Variants in SNX29 observed in about 807,000 individuals in gnomAD.
The protein encoded by SNX29 is sorting nexin-29.
SNX29 carries 78 observed loss-of-function variants against 102.1 expected under a neutral mutation model. The observed-to-expected ratio is 0.76, with a 90% CI of 0.64 to 0.92. SNX29 has a LOEUF of 0.92. Among genes scored for constraint, SNX29 ranks in the 40% least tolerant of loss-of-function variants. SNX29 has a pLI of 0.00. For synonymous variants in SNX29, 580 were observed against 414.5 expected, an observed-to-expected ratio of 1.40 and a Z score of -4.85; for missense variants, 1,280 against 1,061.7, an observed-to-expected ratio of 1.21 and a Z score of -2.86.
intron 13 of SNX29, among the ~76,000 whole-genome samples, chr16:12,135,349 A>C (rs1274691141): frequency 6.6e-6 from 1 of 152,092 alleles, no homozygotes; most frequent in Non-Finnish European, 1.5e-5. Context: ...CTTTGTGTCC[A>C]TGTGGTTTGA....
At chr16:12,431,498 C>G (rs181132969) in intron 18 of SNX29, among the ~76,000 whole-genome samples, 1 of 144,134 alleles carries the variant, frequency 6.9e-6, no homozygotes, top group Non-Finnish European at 1.5e-5. Context: ...CCACAGTGTA[C>G]GAATGATGCT....
At chr16:12,161,166 T>A (rs1275541037) in intron 13 of SNX29, among the ~76,000 whole-genome samples, 2 of 152,214 alleles carry the variant, frequency 1.3e-5, no homozygotes, top group African/African-American at 4.8e-5. Context: ...GATAATACTA[T>A]CTCAATTCAT....
At chr16:12,526,260 C>G (rs1475655755) in intron 20 of SNX29, among the ~76,000 whole-genome samples, 3 of 152,086 alleles carry the variant, frequency 2.0e-5, no homozygotes, top group African/African-American at 4.8e-5. Context: ...TTCTGCTCCC[C>G]TCTGTGGGGT....
At chr16:12,327,448 G>A (rs986068711) in intron 15 of SNX29, among the ~76,000 whole-genome samples, 5 of 152,012 alleles carry the variant, frequency 3.3e-5, no homozygotes, top group African/African-American at 9.6e-5. Flanking sequence ...GTTTTCTGAG[G>A]CCTCTCTCCT....
intron 20 of SNX29, among the ~76,000 whole-genome samples, chr16:12,567,080 T>A (rs540515717): frequency 6.6e-6 from 1 of 152,214 alleles, no homozygotes; most frequent in Non-Finnish European, 1.5e-5. Flanking sequence ...CCTGCAGGGA[T>A]CCTCGAGGGG....
Position 12,043,011 on chromosome 16 carries a change from G to A in SNX29, c.362G>A (p.Cys121Tyr). Residue 121 changes from cysteine (C) to tyrosine (Y), a missense_variant, in exon 5 of 21, where the codon TGT becomes TAT. Physicochemically the swap from Cys to Tyr is radical, Grantham distance 194 (BLOSUM62 -2). Transcript: ENST00000566228. Reference sequence around the variant, plus strand: ...GGCCGGGGTCGCGCCTGGCTGCGCTGTGCCCTCAACGAACACTCCCTGGAG... The same window carrying A: ...GGCCGGGGTCGCGCCTGGCTGCGCTATGCCCTCAACGAACACTCCCTGGAG... Reference protein sequence around the residue: ...DVGRGRAWLRCALNEHSLERY... With the variant: ...DVGRGRAWLRYALNEHSLERY... 1.2e-6 allele frequency: 2 copies of A among 1,613,636 alleles called. No individual in the cohort carries two copies. Among genetic ancestry groups the A allele is most frequent in the East Asian group, 2.2e-5 (1 of 44,882 alleles).
rs191356752 is a variant in SNX29, at chr16:12,486,724, G to C, written c.2178+8865G>C. Among the ~76,000 whole-genome samples the C allele has an allele frequency of 2.6e-5, 4 of 152,320 alleles. No homozygotes were observed. In the East Asian group the frequency reaches 7.7e-4, roughly 29 times the overall value. The stretch of plus-strand genomic sequence containing the variant: ...TCCCTAAGTCAACTCCTCAACCTCA[G>C]TGCCGTGGAGAGCAGGGGGCGGGTG... On this transcript the variant is annotated intron_variant, in intron 19 of 20. Coordinates refer to ENST00000566228, the MANE Select transcript of SNX29 (RefSeq NM_032167.5).
chr16:12,104,199 T>A (rs1475685984), intron 11 of SNX29, among the ~76,000 whole-genome samples: 1 of 152,144 alleles, frequency 6.6e-6, no homozygotes, highest in Non-Finnish European at 1.5e-5. Flanking sequence ...GCCAGGAGAA[T>A]CTTCTCAAGA....
At chr16:12,560,401 A>C (rs2078656027) in intron 20 of SNX29, among the ~76,000 whole-genome samples, 1 of 152,144 alleles carries the variant, frequency 6.6e-6, no homozygotes, top group Non-Finnish European at 1.5e-5. Context: ...TTTAATCCCC[A>C]AAAGCCACAG....
rs2082128839 is a variant in SNX29, at chr16:12,356,157, T to A, written c.1783-6T>A. 2.5e-6 allele frequency: 4 copies of A among 1,611,114 alleles called. No homozygotes were observed. The highest frequency in any genetic ancestry group is 3.4e-6 in the Non-Finnish European group (4 of 1,178,886). ...TAAGCCTCACCTTTCCGTGCTTGTG[T>A]TCCAGGTGGCAGAGATGCATGGCGA... On this transcript the variant is annotated splice_region_variant and splice_polypyrimidine_tract_variant and intron_variant, in intron 15 of 20. Transcript: ENST00000566228.
At chr16:12,296,449 C>G (rs1013732909) in intron 15 of SNX29, among the ~76,000 whole-genome samples, 1 of 152,194 alleles carries the variant, frequency 6.6e-6, no homozygotes, top group African/African-American at 2.4e-5. Context: ...TGTAGCACTT[C>G]ACATGTCTTG....
intron 11 of SNX29, among the ~76,000 whole-genome samples, chr16:12,095,574 C>A (rs749093733): frequency 5.3e-5 from 8 of 152,208 alleles, no homozygotes; most frequent in Non-Finnish European, 1.0e-4. Flanking sequence ...CATGCATTGC[C>A]AGTCACTTTG....
At chr16:12,281,927 C>A (rs145065579) in intron 15 of SNX29, among the ~76,000 whole-genome samples, 1 of 151,536 alleles carries the variant, frequency 6.6e-6, no homozygotes, top group African/African-American at 2.4e-5. Flanking sequence ...TGTTTCCATT[C>A]TCAAAAATTA....
At chr16:12,360,735 A>G (rs1216840697) in intron 16 of SNX29, among the ~76,000 whole-genome samples, 1 of 151,108 alleles carries the variant, frequency 6.6e-6, no homozygotes, top group African/African-American at 2.4e-5. Flanking sequence ...GACTTTGTAC[A>G]TGTTTTTGTG....
intron 20 of SNX29, among the ~76,000 whole-genome samples, chr16:12,531,987 G>C (rs7195492): frequency 0.26 from 40,009 of 152,082 alleles, 5,712 homozygotes; most frequent in East Asian, 0.56. Context: ...ATCACAGTTT[G>C]GAGGAATCCA....
intron 20 of SNX29, among the ~76,000 whole-genome samples, chr16:12,551,431 C>A (rs7206514): frequency 0.016 from 2,490 of 152,262 alleles, 68 homozygotes; most frequent in African/African-American, 0.057. Context: ...CTTGCACATT[C>A]GATCACCCAG....
chr16:12,336,097 G>C (rs1258843764), intron 15 of SNX29, among the ~76,000 whole-genome samples: 2 of 152,172 alleles, frequency 1.3e-5, no homozygotes, highest in Admixed American at 1.3e-4. Flanking sequence ...TTGGGACATA[G>C]AGAAATATAA....
chr16:12,271,866 G>A (rs150883181), intron 14 of SNX29, among the ~76,000 whole-genome samples: 1,577 of 152,214 alleles, frequency 0.01, 21 homozygotes, highest in African/African-American at 0.036. Context: ...CAAGTGATCC[G>A]CCTGCCTTAG....
intron 15 of SNX29, among the ~76,000 whole-genome samples, chr16:12,347,975 A>T (rs1446745877): frequency 1.3e-5 from 2 of 151,148 alleles, no homozygotes; most frequent in Non-Finnish European, 1.5e-5. Context: ...GCTACTTGGG[A>T]GGCTGAGACA....
Sources: gnomAD v4.1 joint callset for allele counts (sites outside exome capture counted in the v4.1 genomes callset) on GRCh38, gnomAD v4.1.1 for gene constraint, MANE v1.5 for transcripts, NCBI Gene and HGNC (gene_info 2026-07-23, HGNC 2026-07-21) for gene names.